SYNE2: variants seen among roughly 807,000 people sequenced by gnomAD.
SYNE2 encodes the protein spectrin repeat containing nuclear envelope protein 2.
SYNE2 carries 431 observed loss-of-function variants against 856.3 expected under a neutral mutation model. The observed-to-expected ratio is 0.50, with a 90% CI of 0.47 to 0.55. SYNE2 has a LOEUF of 0.55. Among genes scored for constraint, SYNE2 ranks in the 20% least tolerant of loss-of-function variants. The pLI is 0.00. For synonymous variants in SYNE2, 2,923 were observed against 2,872.3 expected, an observed-to-expected ratio of 1.02 and a Z score of -0.56; for missense variants, 8,129 against 8,023.2, an observed-to-expected ratio of 1.01 and a Z score of -0.50.
intron 11 of SYNE2, among the ~76,000 whole-genome samples, chr14:63,971,154 C>T (rs1042475318): frequency 2.0e-5 from 3 of 148,416 alleles, no homozygotes; most frequent in Non-Finnish European, 4.5e-5. Flanking sequence ...CTTTGTCGTC[C>T]AGGCTGGAGT....
At position 64,024,327 on chromosome 14, in the gene SYNE2, A is replaced by G; in HGVS notation, c.5708A>G (p.Lys1903Arg). ...QVDSVLKHVK[K>R]HLPKAHVKEL... The stretch of plus-strand genomic sequence containing the variant: ...GACAGCGTACTGAAGCATGTGAAGA[A>G]GCATCTGCCCAAAGCACATGTGAAG... Residue 1903 changes from lysine to arginine, a missense_variant, in exon 39 of 116, where the codon AAG (lysine) becomes AGG (arginine). This residue lies in a region of SYNE2 where 2,422 missense variants were observed against 2,357.4 expected (regional missense o/e 1.03). Coordinates refer to ENST00000555002, the MANE Select transcript of SYNE2 (RefSeq NM_182914.3). 10 of 1,614,202 alleles carry G rather than the reference A, an allele frequency of 6.2e-6. No individual in the cohort carries two copies. The highest frequency in any genetic ancestry group is 8.5e-6 in the Non-Finnish European group (10 of 1,180,018).
intron 84 of SYNE2, among the ~76,000 whole-genome samples, chr14:64,149,474 T>C (rs2098220424): frequency 6.6e-6 from 1 of 151,918 alleles, no homozygotes; most frequent in African/African-American, 2.4e-5. Flanking sequence ...AGGATTGAAA[T>C]ATTCCGAAGG....
In SYNE2 at chr14:64,223,352, A is replaced by T; in HGVS notation, c.20354A>T (p.Gln6785Leu). ...AAACAGTTACGGGAGCAAGTGTCCC[A>T]AGATTTAATGGCCTTGCAGGGAACC... ...KLKQLREQVS[Q>L]DLMALQGTQN... Residue 6785 changes from glutamine to leucine, a missense_variant, in exon 113 of 116, where the codon CAA becomes CTA. Physicochemically the swap from Gln to Leu is moderately radical, Grantham distance 113. This residue lies in a region of SYNE2 where 5,410 missense variants were observed against 5,284.8 expected (regional missense o/e 1.02). Transcript: ENST00000555002. 3 of 1,614,146 alleles carry T rather than the reference A, an allele frequency of 1.9e-6. No individual in the cohort carries two copies. The highest frequency in any genetic ancestry group is 2.5e-6 in the Non-Finnish European group (3 of 1,179,996).
intron 1 of SYNE2, among the ~76,000 whole-genome samples, chr14:63,834,822 G>A (rs1421705040): frequency 2.0e-5 from 3 of 151,274 alleles, no homozygotes; most frequent in Non-Finnish European, 4.4e-5. Flanking sequence ...TGTATTTTTA[G>A]TAGAGACAGA....
intron 97 of SYNE2, 88 bp from the exon 98 acceptor site, chr14:64,188,462 A>T: frequency 6.7e-7 from 1 of 1,483,334 alleles, no homozygotes; most frequent in South Asian, 1.1e-5. Context: ...ACTGATTAAA[A>T]TGAATGAAAC....
intron 1 of SYNE2, 113 bp from the exon 2 acceptor site, chr14:63,908,985 G>T: frequency 1.5e-6 from 1 of 667,430 alleles, no homozygotes; most frequent in Non-Finnish European, 2.7e-6. Flanking sequence ...ATAGTAGAAA[G>T]CCATACTTGT....
Position 64,053,156 on chromosome 14 carries a change from G to C in SYNE2, c.9243G>C (p.Arg3081=). 1 of 1,614,110 alleles carries C rather than the reference G, an allele frequency of 6.2e-7. No individual in the cohort carries two copies. Among genetic ancestry groups the C allele is most frequent in the South Asian group, 1.1e-5 (1 of 91,060 alleles). Reference sequence around the variant, plus strand: ...CTGATAGCTCTCCGGAAAGCAGACGGCTCAATGCCCAAATTTTAAGTCAGA... The same window carrying C: ...CTGATAGCTCTCCGGAAAGCAGACGCCTCAATGCCCAAATTTTAAGTCAGA... ...KAPDSSPESR[R]LNAQILSQRI... is the part of the protein sequence containing the mutation. Residue 3081 remains arginine, a synonymous_variant, in exon 48 of 116, where the codon CGG becomes CGC. Coordinates refer to ENST00000555002, the MANE Select transcript of SYNE2 (RefSeq NM_182914.3).
chr14:63,937,086 T>A (rs2095843212), intron 2 of SYNE2, among the ~76,000 whole-genome samples: 1 of 152,168 alleles, frequency 6.6e-6, no homozygotes, highest in Non-Finnish European at 1.5e-5. Flanking sequence ...AGGTTGAGAA[T>A]AGACCATTGG....
At position 64,098,136 on chromosome 14, in the gene SYNE2, C is replaced by T. The variant is rs750449474; in HGVS notation, c.12296C>T (p.Ser4099Phe). ...GGTGGAGTGGCAGAGAGGGATGCTTCTGAGCGGAAGGTGGGTATGACTTTA... is the reference window on the plus strand; with the variant it reads ...GGTGGAGTGGCAGAGAGGGATGCTTTTGAGCGGAAGGTGGGTATGACTTTA... ...EEGGVAERDA[S>F]ERKLNRRGSM... is the part of the protein sequence containing the mutation. Residue 4099 changes from serine (S) to phenylalanine (F), a missense_variant, in exon 62 of 116, where the codon TCT (serine) becomes TTT (phenylalanine). Physicochemically the swap from Ser to Phe is radical, Grantham distance 155. Around this residue, in one of 3 missense-constraint regions of SYNE2, gnomAD observed 5,410 missense variants for 5,284.8 expected, o/e 1.02. Coordinates refer to ENST00000555002, the MANE Select transcript of SYNE2 (RefSeq NM_182914.3). 2 of 1,614,034 alleles carry T rather than the reference C, an allele frequency of 1.2e-6. No homozygotes were observed. Among genetic ancestry groups the T allele is most frequent in the Non-Finnish European group, 8.5e-7 (1 of 1,179,956 alleles).
chr14:63,928,714 G>A (rs1178832514), intron 2 of SYNE2, among the ~76,000 whole-genome samples: 2 of 152,112 alleles, frequency 1.3e-5, no homozygotes, highest in East Asian at 1.9e-4. Context: ...CAATAGAAGA[G>A]GTGGCTTTAT....
At position 64,053,319 on chromosome 14, in the gene SYNE2, G is replaced by T; in HGVS notation, c.9406G>T (p.Val3136Phe). 6.2e-7 allele frequency: 1 copy of T among 1,610,870 alleles called. No homozygotes were observed. The highest frequency in any genetic ancestry group is 8.5e-7 in the Non-Finnish European group (1 of 1,179,322). ...NAEENDKLYK[V>F]LQNMVLELSP... Reference sequence around the variant, plus strand: ...AGAAGAAAATGATAAGTTATACAAAGTTCTCCAAAACATGGTATTAGAACT... The same window carrying T: ...AGAAGAAAATGATAAGTTATACAAATTTCTCCAAAACATGGTATTAGAACT... The change falls in exon 48 of 116, where the codon GTT (valine) becomes TTT (phenylalanine). Residue 3136 changes from valine (V) to phenylalanine (F), a missense_variant. Transcript: ENST00000555002.
chr14:63,884,844 G>T (rs1051157458), intron 1 of SYNE2, among the ~76,000 whole-genome samples: 1 of 152,024 alleles, frequency 6.6e-6, no homozygotes, highest in Non-Finnish European at 1.5e-5. Flanking sequence ...GTTTCACCGG[G>T]TTAGCCAGGA....
intron 6 of SYNE2, among the ~76,000 whole-genome samples, chr14:63,948,843 T>C (rs1318921392): frequency 3.5e-5 from 5 of 142,248 alleles, no homozygotes; most frequent in Admixed American, 7.2e-5. Context: ...TTTCCGAATA[T>C]TTGGAGATTT....
chr14:63,845,374 C>A (rs1890193833), intron 1 of SYNE2, among the ~76,000 whole-genome samples: 1 of 151,684 alleles, frequency 6.6e-6, no homozygotes, highest in South Asian at 2.1e-4. Context: ...CGAGATCATG[C>A]CATTGCACTC....
chr14:63,922,321 T>C (rs1002765793), intron 2 of SYNE2, among the ~76,000 whole-genome samples: 14 of 152,200 alleles, frequency 9.2e-5, no homozygotes, highest in African/African-American at 3.1e-4. Context: ...TTTTATTGAA[T>C]GAGCAAATAA....
chr14:64,154,380 CA>C (rs1314530789), intron 85 of SYNE2, among the ~76,000 whole-genome samples: 2 of 150,742 alleles, frequency 1.3e-5, no homozygotes, highest in Non-Finnish European at 2.9e-5. Flanking sequence ...AAAGTAAAGG[CA>C]AACCACAAAT....
intron 87 of SYNE2, among the ~76,000 whole-genome samples, chr14:64,160,820 A>G (rs1053596320): frequency 6.6e-6 from 1 of 152,208 alleles, no homozygotes; most frequent in African/African-American, 2.4e-5. Context: ...TAAGACTAAT[A>G]TCTTGAAATA....
rs569682807 is a variant in SYNE2 at position 63,917,101 on chromosome 14, T to A, written c.79+7874T>A. On this transcript the variant is annotated intron_variant, in intron 2 of 115. Transcript: ENST00000555002. ...GAGACCCTGTCTTTAAAATAAATAATTAATTAATTTTTTAATAAAGGCTTC... is the reference window on the plus strand; with the variant it reads ...GAGACCCTGTCTTTAAAATAAATAAATAATTAATTTTTTAATAAAGGCTTC... 2.4e-4 allele frequency among the ~76,000 whole-genome samples: 37 copies of A among 152,024 alleles called. No homozygotes were observed. In the South Asian group the frequency reaches 5.2e-3, roughly 21 times the overall value.
At chr14:63,960,308 A>G (rs2096293230) in intron 8 of SYNE2, among the ~76,000 whole-genome samples, 1 of 152,188 alleles carries the variant, frequency 6.6e-6, no homozygotes. Context: ...TTTATTTTCT[A>G]CTTCAGGTGA....
Sources: allele counts gnomAD v4.1 joint callset (sites outside exome capture counted in the v4.1 genomes callset), GRCh38; gene constraint gnomAD v4.1.1; regional missense constraint gnomAD v4.1.1; transcripts MANE v1.5; gene names NCBI Gene and HGNC (gene_info 2026-07-23, HGNC 2026-07-21).